The following GOLGB1 variants were observed in gnomAD, a reference collection of about 807,000 sequenced individuals.
GOLGB1 encodes golgin subfamily B member 1.
A neutral mutation model predicts 336.9 loss-of-function variants in GOLGB1; 174 were observed. That is an observed-to-expected ratio of 0.52 (90% CI 0.46 to 0.59). The LOEUF (loss-of-function observed/expected upper bound fraction) is 0.59, where lower values mean the gene tolerates loss of function less well. Among genes scored for constraint, GOLGB1 ranks in the 20% least tolerant of loss-of-function variants. The pLI is 0.00. For missense variants in GOLGB1, 3,331 were observed against 3,645.3 expected, an observed-to-expected ratio of 0.91 and a Z score of 2.22; for synonymous variants, 1,208 against 1,289.2, an observed-to-expected ratio of 0.94 and a Z score of 1.35.
Position 121,719,759 on chromosome 3 carries a change from T to C in GOLGB1, c.658A>G (p.Met220Val). The C allele has an allele frequency of 6.2e-7, 1 of 1,605,102 alleles. No individual in the cohort carries two copies. The change falls in exon 7 of 22, where the codon ATG becomes GTG. Residue 220 changes from methionine to valine, a missense_variant. Physicochemically the swap from Met to Val is conservative, Grantham distance 21 (BLOSUM62 1). Transcript: ENST00000614479. ...QAEQAAQLSS[M>V]QQVVREKDAR... ...TCTTTCTCTCGGACCACCTGCTGCA[T>C]GGAACTCAACTGAAGACACATACCA...
In GOLGB1 at chr3:121,698,375, T is replaced by C. The variant is rs1182497884; in HGVS notation, c.2148A>G (p.Leu716=). 1 of 1,613,656 alleles carries C rather than the reference T, an allele frequency of 6.2e-7. No individual in the cohort carries two copies. The highest frequency in any genetic ancestry group is 8.5e-7 in the Non-Finnish European group (1 of 1,179,832). Residue 716 remains leucine (L), a synonymous_variant, in exon 13 of 22, where the codon TTA becomes TTG. Coordinates refer to ENST00000614479, the MANE Select transcript of GOLGB1 (RefSeq NM_001366282.2). ...HKAQEIYEKN[L]DEKAKEISNL... ...TGCTAATTTCCTTAGCTTTCTCATC[T>C]AAATTTTTCTCATAGATTTCTTGTG...
chr3:121,731,081 G>C, intron 1 of GOLGB1, 108 bp from the exon 2 acceptor site: 1 of 1,109,976 alleles, frequency 9.0e-7, no homozygotes, highest in Non-Finnish European at 1.3e-6. Flanking sequence ...ATACTGTACA[G>C]GTGATTTGTA....
intron 6 of GOLGB1, 144 bp downstream of exon 6, chr3:121,722,118 C>T (rs914914753): frequency 2.5e-5 from 15 of 591,352 alleles, no homozygotes; most frequent in South Asian, 2.2e-5. Flanking sequence ...TCTTCTACTA[C>T]ATATCCTTCT....
intron 4 of GOLGB1, among the ~76,000 whole-genome samples, chr3:121,727,348 T>TTC (rs1486301711): frequency 1.8e-4 from 20 of 110,060 alleles, no homozygotes; most frequent in Non-Finnish European, 2.9e-4. Context: ...TTTTTTTTTT[T>TTC]CCCTCACACC....
intron 20 of GOLGB1, 22 bp downstream of exon 20, chr3:121,667,454 G>A: frequency 6.2e-7 from 1 of 1,610,714 alleles, no homozygotes; most frequent in Non-Finnish European, 8.5e-7. Context: ...AGGGAACAGA[G>A]GCTATCTCCT....
chr3:121,691,180 G>A lies in GOLGB1; in HGVS notation c.8184C>T (p.Thr2728=). 1 of 1,613,242 alleles carries A rather than the reference G, an allele frequency of 6.2e-7. No homozygotes were observed. The highest frequency in any genetic ancestry group is 8.5e-7 in the Non-Finnish European group (1 of 1,179,836). The part of the protein sequence containing the change: ...VEMEQKLLMV[T]KENKGLTAQI... ...GTGCTGTGAGACCTTTATTTTCTTT[G>A]GTGACCATGAGTAATTTCTGTTCCA... Residue 2728 remains threonine, a synonymous_variant, in exon 14 of 22, where the codon ACC becomes ACT. Coordinates refer to ENST00000614479, the MANE Select transcript of GOLGB1 (RefSeq NM_001366282.2).
chr3:121,682,127 T>G (rs1030009687), intron 14 of GOLGB1, among the ~76,000 whole-genome samples: 1 of 152,260 alleles, frequency 6.6e-6, no homozygotes, highest in Non-Finnish European at 1.5e-5. Context: ...CCCTGGCTCC[T>G]AAGGTCCTAA....
chr3:121,665,024 G>T lies in GOLGB1; in HGVS notation c.9562C>A (p.His3188Asn), dbSNP rs754701773. ...VAEEQIRRLE[H>N]SEWDSSRTPI... The stretch of plus-strand genomic sequence containing the variant: ...GTCCGGGAAGAGTCCCATTCACTGT[G>T]CTCTAACCTGAGTTGAGAAAAAAAA... Residue 3188 changes from histidine (H) to asparagine (N), a missense_variant, in exon 21 of 22, where the codon CAC becomes AAC. Transcript: ENST00000614479. The T allele has an allele frequency of 7.5e-6, 12 of 1,593,118 alleles. No individual in the cohort carries two copies. The highest frequency in any genetic ancestry group is 9.5e-6 in the Non-Finnish European group (11 of 1,160,884).
At chr3:121,746,505 G>A (rs1383479302) in intron 1 of GOLGB1, among the ~76,000 whole-genome samples, 1 of 151,408 alleles carries the variant, frequency 6.6e-6, no homozygotes, top group Non-Finnish European at 1.5e-5. Context: ...ATTTTGAGAC[G>A]GAGTTTCACT....
At chr3:121,725,543 A>T (rs1455645366) in intron 5 of GOLGB1, among the ~76,000 whole-genome samples, 1 of 152,084 alleles carries the variant, frequency 6.6e-6, no homozygotes, top group East Asian at 1.9e-4. Context: ...AGGCTCACAG[A>T]AATTGGTGCA....
intron 14 of GOLGB1, among the ~76,000 whole-genome samples, chr3:121,684,071 T>G (rs1032730690): frequency 8.1e-6 from 1 of 123,768 alleles, no homozygotes; most frequent in Non-Finnish European, 1.6e-5. Context: ...GAGGTTGCAG[T>G]AAGCCAAGAT....
intron 1 of GOLGB1, among the ~76,000 whole-genome samples, chr3:121,737,651 C>CAA (rs35553866): frequency 1.4e-3 from 165 of 116,192 alleles, no homozygotes; most frequent in Admixed American, 2.6e-3. Context: ...GACCGCGTCT[C>CAA]AAAAAAAAAA....
chr3:121,682,157 T>C (rs1235714637), intron 14 of GOLGB1, among the ~76,000 whole-genome samples: 1 of 152,242 alleles, frequency 6.6e-6, no homozygotes, highest in African/African-American at 2.4e-5. Context: ...AGGGCTACAA[T>C]TCTGACGTGG....
intron 15 of GOLGB1, 46 bp from the exon 16 acceptor site, chr3:121,677,496 T>A (rs751087844): frequency 1.5e-6 from 2 of 1,344,680 alleles, no homozygotes; most frequent in Non-Finnish European, 2.1e-6. Context: ...TACTTGTAAC[T>A]GGGCATGGTA....
At chr3:121,688,927 A>G (rs1285163911) in intron 14 of GOLGB1, among the ~76,000 whole-genome samples, 1 of 146,296 alleles carries the variant, frequency 6.8e-6, no homozygotes, top group Non-Finnish European at 1.5e-5. Flanking sequence ...CCCATCTGAG[A>G]AGTGAGGAGC....
intron 10 of GOLGB1, among the ~76,000 whole-genome samples, chr3:121,705,980 A>C (rs1182888143): frequency 6.6e-6 from 1 of 152,190 alleles, no homozygotes; most frequent in Non-Finnish European, 1.5e-5. Flanking sequence ...TTTTTTTCAA[A>C]GAATTTAACT....
chr3:121,687,013 C>T (rs556188109), intron 14 of GOLGB1, among the ~76,000 whole-genome samples: 4 of 152,230 alleles, frequency 2.6e-5, no homozygotes, highest in South Asian at 2.1e-4. Flanking sequence ...GTGGCTCACG[C>T]CTGTAATTCC....
chr3:121,727,314 ATATATATTT>A (rs1184404577), intron 4 of GOLGB1, among the ~76,000 whole-genome samples: 170 of 38,300 alleles, frequency 4.4e-3, no homozygotes, highest in South Asian at 0.012. Context: ...ATATATATAT[ATATATATTT>A]TTTTTTTTTT....
Position 121,664,619 on chromosome 3 carries a change from A to G in GOLGB1, c.9661-5T>C. The G allele has an allele frequency of 6.2e-7, 1 of 1,613,742 alleles. No homozygotes were observed. The highest frequency in any genetic ancestry group is 8.5e-7 in the Non-Finnish European group (1 of 1,179,640). On this transcript the variant is annotated splice_region_variant and splice_polypyrimidine_tract_variant and intron_variant, in intron 21 of 21. Transcript: ENST00000614479. ...CCATCCAACGCCACTCCGGGTCTGA[A>G]AGAAAAATGTGAAAGTCAGAGAGTT...
Sources: gnomAD v4.1 joint callset for allele counts (sites outside exome capture counted in the v4.1 genomes callset) on GRCh38, gnomAD v4.1.1 for gene constraint, MANE v1.5 for transcripts, NCBI Gene and HGNC (gene_info 2026-07-23, HGNC 2026-07-21) for gene names.